The following RAMP2 variants were observed in gnomAD, a reference collection of about 807,000 sequenced individuals.
RAMP2 encodes receptor activity-modifying protein 2.
RAMP2 carries 11 observed loss-of-function variants against 18.2 expected under a neutral mutation model. The ratio of observed to expected loss-of-function variants is 0.60; its 90% CI spans 0.38 to 1.00. The LOEUF (loss-of-function observed/expected upper bound fraction) is 1.00, where lower values mean the gene tolerates loss of function less well. RAMP2 is among the 50% of genes least tolerant of loss of function. RAMP2 has a pLI of 0.01. For synonymous variants in RAMP2, 86 were observed against 90.8 expected, an observed-to-expected ratio of 0.95 and a Z score of 0.30; for missense variants, 191 against 226.5, an observed-to-expected ratio of 0.84 and a Z score of 1.01.
Position 42,761,720 on chromosome 17 carries a change from C to T in RAMP2, c.98-114C>T. On this transcript the variant is annotated intron_variant, in intron 1 of 3. Transcript: ENST00000253796. This position sits in a 1 kb window ranked among gnomAD's most constrained non-coding sequence, Gnocchi z 4.2. Reference sequence around the variant, plus strand: ...CGTCCGTGGGGGCTAGATTATTCCTCCTTTTCTTCCAAGGTAGCCTATTTT... The same window carrying T: ...CGTCCGTGGGGGCTAGATTATTCCTTCTTTTCTTCCAAGGTAGCCTATTTT... 6 of 901,452 alleles carry T rather than the reference C, an allele frequency of 6.7e-6. No individual in the cohort carries two copies. The highest frequency in any genetic ancestry group is 1.1e-5 in the Non-Finnish European group (6 of 566,872). The allele number at this position is 901,452 out of a possible 1,614,324, so 55.8% of individuals were successfully genotyped here.
At position 42,761,994 on chromosome 17, in the gene RAMP2, G is replaced by A. The variant is rs536097354; in HGVS notation, c.163+95G>A. 36 of 1,188,198 alleles carry A rather than the reference G, an allele frequency of 3.0e-5. No individual in the cohort carries two copies. In the African/African-American group the frequency reaches 5.0e-4, roughly 16 times the overall value. 73.6% of individuals were successfully genotyped at this position (1,188,198 alleles called of 1,614,324 possible). On this transcript the variant is annotated intron_variant, in intron 2 of 3. Coordinates refer to ENST00000253796, the MANE Select transcript of RAMP2 (RefSeq NM_005854.3). The surrounding 1 kb of genome is among the most constrained non-coding windows in gnomAD (Gnocchi z 4.2). ...TTCCCACGAGGCCTGCCCAACCCCAGCTGATGCCCCACTACACTCCCCTCT... is the reference window on the plus strand; with the variant it reads ...TTCCCACGAGGCCTGCCCAACCCCAACTGATGCCCCACTACACTCCCCTCT...
Position 42,761,814 on chromosome 17 carries a change from T to A in RAMP2, c.98-20T>A, listed in dbSNP as rs748411267. The A allele has an allele frequency of 5.8e-6, 9 of 1,557,302 alleles. No individual in the cohort carries two copies. Among genetic ancestry groups the A allele is most frequent in the Non-Finnish European group, 8.9e-7 (1 of 1,128,674 alleles). On this transcript the variant is annotated intron_variant, in intron 1 of 3. Transcript: ENST00000253796. The surrounding 1 kb of genome is among the most constrained non-coding windows in gnomAD (Gnocchi z 4.2). ...CGGGGTCCCCGCTATGTTACCCTCC[T>A]CTCCCGTTTCTTCCCACAGCTGTCC...
rs1257956396 is a variant in RAMP2 at position 42,762,928 on chromosome 17, C to T, written c.*76C>T. 1 of 1,428,078 alleles carries T rather than the reference C, an allele frequency of 7.0e-7. No homozygotes were observed. Among genetic ancestry groups the T allele is most frequent in the Non-Finnish European group, 9.5e-7 (1 of 1,055,908 alleles). 88.5% of individuals were successfully genotyped at this position (1,428,078 alleles called of 1,614,324 possible). Reference sequence around the variant, plus strand: ...CAGGCCTCCCTCCTCCCCTCCTACTCCCTTTTCTCACTCTCATCCCCACCA... The same window carrying T: ...CAGGCCTCCCTCCTCCCCTCCTACTTCCTTTTCTCACTCTCATCCCCACCA... On this transcript the variant is annotated 3_prime_UTR_variant, in exon 4 of 4. Transcript: ENST00000253796.
Position 42,761,456 on chromosome 17 carries a change from G to A in RAMP2, c.97+98G>A. 9.6e-7 allele frequency: 1 copy of A among 1,040,424 alleles called. No individual in the cohort carries two copies. The highest frequency in any genetic ancestry group is 1.3e-6 in the Non-Finnish European group (1 of 783,590). The allele number at this position is 1,040,424 out of a possible 1,614,324, so 64.4% of individuals were successfully genotyped here. On this transcript the variant is annotated intron_variant, in intron 1 of 3. Transcript: ENST00000253796. This position sits in a 1 kb window ranked among gnomAD's most constrained non-coding sequence, Gnocchi z 4.2. ...GGCTGGATGGCCGAGGCCGGAACGG[G>A]CCCTGGGGTGCGGGTTAGGACCGAC...
Position 42,761,903 on chromosome 17 carries a change from G to C in RAMP2, c.163+4G>C. Reference sequence around the variant, plus strand: ...ACAGGCACACCAGGGTCAGAAGGTGGGTACCCAGGGTGTGGAAGGGTGGCC... The same window carrying C: ...ACAGGCACACCAGGGTCAGAAGGTGCGTACCCAGGGTGTGGAAGGGTGGCC... On this transcript the variant is annotated splice_donor_region_variant and intron_variant, in intron 2 of 3. Transcript: ENST00000253796. This position sits in a 1 kb window ranked among gnomAD's most constrained non-coding sequence, Gnocchi z 4.2. 6.4e-7 allele frequency: 1 copy of C among 1,565,202 alleles called. No individual in the cohort carries two copies. Among genetic ancestry groups the C allele is most frequent in the Non-Finnish European group, 8.8e-7 (1 of 1,136,248 alleles).
chr17:42,762,532 GA>G, intron 3 of RAMP2, 64 bp from the exon 4 acceptor site: 1 of 1,606,656 alleles, frequency 6.2e-7, no homozygotes, highest in Non-Finnish European at 8.5e-7. Context: ...GACCCTGAGT[GA>G]GAGTGGGGCA....
In RAMP2 at chr17:42,761,735, T is replaced by A; in HGVS notation, c.98-99T>A. 1.0e-6 allele frequency: 1 copy of A among 995,704 alleles called. No homozygotes were observed. The allele number at this position is 995,704 out of a possible 1,614,324, so 61.7% of individuals were successfully genotyped here. On this transcript the variant is annotated intron_variant, in intron 1 of 3. Coordinates refer to ENST00000253796, the MANE Select transcript of RAMP2 (RefSeq NM_005854.3). This position sits in a 1 kb window ranked among gnomAD's most constrained non-coding sequence, Gnocchi z 4.2. ...GATTATTCCTCCTTTTCTTCCAAGG[T>A]AGCCTATTTTCGGAGGGTCTCAGTC...
chr17:42,762,402 CATT>C lies in RAMP2; in HGVS notation c.214_216del (p.Tyr72del), dbSNP rs1279919548. The C allele has an allele frequency of 6.2e-7, 1 of 1,614,076 alleles. No homozygotes were observed. On this transcript the variant is annotated inframe_deletion, in exon 3 of 4. Coordinates refer to ENST00000253796, the MANE Select transcript of RAMP2 (RefSeq NM_005854.3). Reference sequence around the variant, plus strand: ...GACAGCTGTCCAATTTTGCTGGAATCATTATAAGGATCAAATGGATCCTATCGA... The same window carrying C: ...GACAGCTGTCCAATTTTGCTGGAATCATAAGGATCAAATGGATCCTATCGA...
rs752429408 is a variant in RAMP2 at position 42,761,323 on chromosome 17, G to A, written c.62G>A (p.Arg21Gln). The A allele has an allele frequency of 2.3e-6, 3 of 1,285,400 alleles. 1 individual carries two copies. The highest frequency in any genetic ancestry group is 4.4e-5 in the South Asian group (2 of 45,004). 79.6% of individuals were successfully genotyped at this position (1,285,400 alleles called of 1,614,324 possible). The part of the protein sequence containing the change: ...GPRLPRTRVG[R>Q]PAALRLLLLL... ...CGTCTCCCTAGGACCCGAGTCGGGCGGCCGGCAGCGCTCCGCCTCCTCCTC... is the reference window on the plus strand; with the variant it reads ...CGTCTCCCTAGGACCCGAGTCGGGCAGCCGGCAGCGCTCCGCCTCCTCCTC... Residue 21 changes from arginine to glutamine, a missense_variant, in exon 1 of 4, where the codon CGG becomes CAG. By Grantham distance (43) the Arg-to-Gln change is conservative (BLOSUM62 1). Coordinates refer to ENST00000253796, the MANE Select transcript of RAMP2 (RefSeq NM_005854.3). The surrounding 1 kb of genome is among the most constrained non-coding windows in gnomAD (Gnocchi z 4.2).
chr17:42,761,711 A>G lies in RAMP2; in HGVS notation c.98-123A>G. ...GCACTGAGGCGTCCGTGGGGGCTAG[A>G]TTATTCCTCCTTTTCTTCCAAGGTA... On this transcript the variant is annotated intron_variant, in intron 1 of 3. Coordinates refer to ENST00000253796, the MANE Select transcript of RAMP2 (RefSeq NM_005854.3). This position sits in a 1 kb window ranked among gnomAD's most constrained non-coding sequence, Gnocchi z 4.2. 1.2e-6 allele frequency: 1 copy of G among 848,282 alleles called. No homozygotes were observed. Among genetic ancestry groups the G allele is most frequent in the Non-Finnish European group, 1.9e-6 (1 of 524,426 alleles). The allele number at this position is 848,282 out of a possible 1,614,324, so 52.5% of individuals were successfully genotyped here.
Position 42,762,656 on chromosome 17 carries a change from T to C in RAMP2, c.332T>C (p.Phe111Ser). The change falls in exon 4 of 4, where the codon TTC becomes TCC. Residue 111 changes from phenylalanine (F) to serine (S), a missense_variant. Phe to Ser is a radical substitution (Grantham distance 155). Coordinates refer to ENST00000253796, the MANE Select transcript of RAMP2 (RefSeq NM_005854.3). ...TTTGCAGAGTTGTTTGACCTGGGCT[T>C]CCCCAATCCCTTGGCAGAGAGGATC... is the stretch of plus-strand genomic sequence containing the variant. ...EHFAELFDLG[F>S]PNPLAERIIF... is the part of the protein sequence containing the mutation. 1 of 1,614,030 alleles carries C rather than the reference T, an allele frequency of 6.2e-7. No individual in the cohort carries two copies. The highest frequency in any genetic ancestry group is 8.5e-7 in the Non-Finnish European group (1 of 1,179,966).
In RAMP2 at chr17:42,761,464, G is replaced by A; in HGVS notation, c.97+106G>A. 1.0e-6 allele frequency: 1 copy of A among 981,644 alleles called. No individual in the cohort carries two copies. 60.8% of individuals were successfully genotyped at this position (981,644 alleles called of 1,614,324 possible). A position where few individuals can be genotyped will look rare whatever the true frequency, so the allele number is the denominator to read the frequency against. On this transcript the variant is annotated intron_variant, in intron 1 of 3. Transcript: ENST00000253796. The surrounding 1 kb of genome is among the most constrained non-coding windows in gnomAD (Gnocchi z 4.2). Reference sequence around the variant, plus strand: ...GGCCGAGGCCGGAACGGGCCCTGGGGTGCGGGTTAGGACCGACGTACCTAG... The same window carrying A: ...GGCCGAGGCCGGAACGGGCCCTGGGATGCGGGTTAGGACCGACGTACCTAG...
Position 42,762,690 on chromosome 17 carries a change from G to T in RAMP2, c.366G>T (p.Glu122Asp). The T allele has an allele frequency of 6.2e-7, 1 of 1,614,094 alleles. No homozygotes were observed. The highest frequency in any genetic ancestry group is 1.1e-5 in the South Asian group (1 of 91,088). Reference sequence around the variant, plus strand: ...CCTTGGCAGAGAGGATCATCTTTGAGACTCACCAGATCCACTTTGCCAACT... The same window carrying T: ...CCTTGGCAGAGAGGATCATCTTTGATACTCACCAGATCCACTTTGCCAACT... ...PNPLAERIIF[E>D]THQIHFANCS... The change falls in exon 4 of 4, where the codon GAG becomes GAT. Residue 122 changes from glutamate to aspartate, a missense_variant. Transcript: ENST00000253796.
In RAMP2 at chr17:42,761,738, C is replaced by T. The variant is rs2054365972; in HGVS notation, c.98-96C>T. ...TATTCCTCCTTTTCTTCCAAGGTAG[C>T]CTATTTTCGGAGGGTCTCAGTCCCC... On this transcript the variant is annotated intron_variant, in intron 1 of 3. Transcript: ENST00000253796. This position sits in a 1 kb window ranked among gnomAD's most constrained non-coding sequence, Gnocchi z 4.2. The T allele has an allele frequency of 2.9e-6, 3 of 1,025,072 alleles. No homozygotes were observed. The South Asian group carries it at 4.1e-5, about 14-fold the overall frequency. 63.5% of individuals were successfully genotyped at this position (1,025,072 alleles called of 1,614,324 possible). A position where few individuals can be genotyped will look rare whatever the true frequency, so the allele number is the denominator to read the frequency against.
Position 42,763,037 on chromosome 17 carries a change from T to C in RAMP2, c.*185T>C. 1.6e-6 allele frequency: 1 copy of C among 636,552 alleles called. No individual in the cohort carries two copies. 39.4% of individuals were successfully genotyped at this position (636,552 alleles called of 1,614,324 possible). Reference sequence around the variant, plus strand: ...TCTTCAAAATAAAACTTTTTTTTTGTACAATGTCCTTCTCCCCATTTCAGT... The same window carrying C: ...TCTTCAAAATAAAACTTTTTTTTTGCACAATGTCCTTCTCCCCATTTCAGT... On this transcript the variant is annotated 3_prime_UTR_variant, in exon 4 of 4. Transcript: ENST00000253796.
Position 42,761,821 on chromosome 17 carries a change from T to C in RAMP2, c.98-13T>C. 5 of 1,567,442 alleles carry C rather than the reference T, an allele frequency of 3.2e-6. No homozygotes were observed. Among genetic ancestry groups the C allele is most frequent in the Non-Finnish European group, 4.4e-6 (5 of 1,137,680 alleles). On this transcript the variant is annotated splice_polypyrimidine_tract_variant and intron_variant, in intron 1 of 3. Coordinates refer to ENST00000253796, the MANE Select transcript of RAMP2 (RefSeq NM_005854.3). This position sits in a 1 kb window ranked among gnomAD's most constrained non-coding sequence, Gnocchi z 4.2. ...CCCGCTATGTTACCCTCCTCTCCCG[T>C]TTCTTCCCACAGCTGTCCTGAATCC... is the stretch of plus-strand genomic sequence containing the variant.
rs558002224 is a variant in RAMP2 at position 42,761,574 on chromosome 17, C to A, written c.97+216C>A. Among the ~76,000 whole-genome samples, 299 of 152,294 alleles carry A rather than the reference C, an allele frequency of 2.0e-3. No homozygotes were observed. The highest frequency in any genetic ancestry group is 6.8e-3 in the African/African-American group (284 of 41,578). On this transcript the variant is annotated intron_variant, in intron 1 of 3. Coordinates refer to ENST00000253796, the MANE Select transcript of RAMP2 (RefSeq NM_005854.3). The surrounding 1 kb of genome is among the most constrained non-coding windows in gnomAD (Gnocchi z 4.2). ...TTCCCACCCAGGGAAAGCTGGGGTG[C>A]TGGCCCCGGCCCCTCGAAGAGGGCT...
intron 3 of RAMP2, 31 bp from the exon 4 acceptor site, chr17:42,762,566 C>A (rs899341750): frequency 6.3e-7 from 1 of 1,577,436 alleles, no homozygotes; most frequent in Non-Finnish European, 8.5e-7. Context: ...GGTCCACCCC[C>A]TCTCTCACTC....
At chr17:42,762,534 G>C (rs1289480797) in intron 3 of RAMP2, 63 bp from the exon 4 acceptor site, 33 of 1,605,682 alleles carry the variant, frequency 2.1e-5, no homozygotes, top group Admixed American at 5.0e-5. Flanking sequence ...CCCTGAGTGA[G>C]AGTGGGGCAC....
Sources: gnomAD v4.1 joint callset for allele counts (sites outside exome capture counted in the v4.1 genomes callset) on GRCh38, gnomAD v4.1.1 for gene constraint, Gnocchi (gnomAD v3.1) non-coding constraint, MANE v1.5 for transcripts, NCBI Gene and HGNC (gene_info 2026-07-23, HGNC 2026-07-21) for gene names.